RYR2: variants seen among roughly 807,000 people sequenced by gnomAD.
RYR2 encodes the protein ryanodine receptor 2.
In RYR2, 227 loss-of-function variants were observed where a neutral mutation model predicts 601.1. The ratio of observed to expected loss-of-function variants is 0.38; its 90% confidence interval spans 0.34 to 0.42. RYR2 has a LOEUF of 0.42. RYR2 is among the 10% of genes least tolerant of loss of function. The pLI is 1.00. For synonymous variants in RYR2, 2,223 were observed against 2,175.1 expected (o/e 1.02, Z -0.61); for missense variants, 4,646 against 6,156.5 (o/e 0.75, Z 8.21).
At chr1:237,582,908 A>T (rs913427172) in intron 29 of RYR2, among the ~76,000 whole-genome samples, 2 of 114,592 alleles carry the variant, frequency 1.7e-5, no homozygotes, top group Non-Finnish European at 3.8e-5. Context: ...TGGTAGGATG[A>T]TCTATTTTCT....
intron 84 of RYR2, among the ~76,000 whole-genome samples, chr1:237,761,993 C>G (rs1521742): frequency 0.87 from 132,856 of 152,180 alleles, 58,137 homozygotes; most frequent in South Asian, 0.95. Flanking sequence ...GTATTTTTTT[C>G]TTCTCACAAA....
chr1:237,445,489 G>A lies in RYR2; in HGVS notation c.1259G>A (p.Arg420Gln), dbSNP rs794728721. The A allele has an allele frequency of 6.2e-7, 1 of 1,613,600 alleles. No homozygotes were observed. Among genetic ancestry groups the A allele is most frequent in the Non-Finnish European group, 8.5e-7 (1 of 1,179,656 alleles). Residue 420 changes from arginine to glutamine, a missense_variant, in exon 14 of 105, where the codon CGG becomes CAG. By Grantham distance (43) the Arg-to-Gln change is conservative (BLOSUM62 1). This residue lies in a region of RYR2 where 1,807 missense variants were observed against 2,088.1 expected (regional missense o/e 0.87). Coordinates refer to ENST00000366574, the MANE Select transcript of RYR2 (RefSeq NM_001035.3). ...GAATCACGCACAGCCCGAGTTATCC[G>A]GAGCACAGTCTTCCTTTTCAATAGA... ...HEESRTARVI[R>Q]STVFLFNRFI...
intron 1 of RYR2, among the ~76,000 whole-genome samples, chr1:237,079,683 C>A (rs980314866): frequency 7.8e-6 from 1 of 128,368 alleles, no homozygotes; most frequent in Non-Finnish European, 1.5e-5. Flanking sequence ...GAATCAATAT[C>A]GTGAAAATGG....
intron 29 of RYR2, among the ~76,000 whole-genome samples, chr1:237,582,244 A>G (rs1032533046): frequency 6.6e-6 from 1 of 150,780 alleles, no homozygotes; most frequent in Non-Finnish European, 1.5e-5. Context: ...CTGGGATTAC[A>G]GGCACTGGCC....
intron 2 of RYR2, among the ~76,000 whole-genome samples, chr1:237,289,532 A>T (rs1346048265): frequency 6.6e-6 from 1 of 152,156 alleles, no homozygotes; most frequent in Non-Finnish European, 1.5e-5. Context: ...GCAAAGAGGG[A>T]AAAGGACCTT....
chr1:237,657,863 A>G (rs1193069847), intron 53 of RYR2, 81 bp from the exon 54 acceptor site: 1 of 742,040 alleles, frequency 1.3e-6, no homozygotes, highest in Admixed American at 2.9e-5. Context: ...ATAAGCATTC[A>G]TAAGCTGTGA....
chr1:237,649,166 G>A (rs1018443189), intron 49 of RYR2, among the ~76,000 whole-genome samples: 8 of 152,156 alleles, frequency 5.3e-5, no homozygotes, highest in Admixed American at 5.2e-4. Context: ...ATAAGCTGAA[G>A]TTCTAAATGT....
At chr1:237,156,502 T>A (rs1675349336) in intron 1 of RYR2, among the ~76,000 whole-genome samples, 1 of 152,200 alleles carries the variant, frequency 6.6e-6, no homozygotes, top group Admixed American at 6.5e-5. Flanking sequence ...ATTAATAGAC[T>A]TTAAGAAAAT....
intron 80 of RYR2, among the ~76,000 whole-genome samples, chr1:237,752,358 C>A (rs1328223861): frequency 1.3e-5 from 2 of 152,006 alleles, no homozygotes; most frequent in African/African-American, 4.8e-5. Flanking sequence ...GCTATTTGCC[C>A]AGGCTGGTCT....
intron 1 of RYR2, among the ~76,000 whole-genome samples, chr1:237,261,050 T>G (rs901410029): frequency 1.3e-5 from 2 of 152,252 alleles, no homozygotes; most frequent in African/African-American, 4.8e-5. Flanking sequence ...ATAGCATAGA[T>G]AACATTTTAT....
At chr1:237,680,820 C>T (rs1011710491) in intron 62 of RYR2, among the ~76,000 whole-genome samples, 3 of 152,272 alleles carry the variant, frequency 2.0e-5, no homozygotes, top group Middle Eastern at 3.4e-3. Context: ...TAAAATATCA[C>T]TCATTTCACA....
At chr1:237,822,664 A>G (rs971230367) in intron 101 of RYR2, among the ~76,000 whole-genome samples, 3 of 152,200 alleles carry the variant, frequency 2.0e-5, no homozygotes, top group Non-Finnish European at 2.9e-5. Context: ...GACAGGATCA[A>G]ATTCACACAT....
intron 69 of RYR2, 74 bp from the exon 70 acceptor site, chr1:237,709,406 G>T (rs1450880295): frequency 6.6e-6 from 6 of 908,526 alleles, no homozygotes; most frequent in African/African-American, 1.8e-5. Context: ...TTTAACTTTG[G>T]GGGGATGGTT....
chr1:237,319,265 T>C (rs950549854), intron 2 of RYR2, among the ~76,000 whole-genome samples: 1 of 152,164 alleles, frequency 6.6e-6, no homozygotes, highest in Admixed American at 6.5e-5. Context: ...AATAGCCGCC[T>C]TGAAGCCTTT....
intron 5 of RYR2, among the ~76,000 whole-genome samples, chr1:237,365,081 C>A (rs1437985192): frequency 1.3e-5 from 2 of 152,114 alleles, no homozygotes; most frequent in Non-Finnish European, 2.9e-5. Flanking sequence ...ATTTTTGTTT[C>A]ATTTTTGTAT....
At chr1:237,370,763 C>T (rs1193507299) in intron 6 of RYR2, among the ~76,000 whole-genome samples, 1 of 151,540 alleles carries the variant, frequency 6.6e-6, no homozygotes, top group African/African-American at 2.4e-5. Context: ...CAGGTTCACG[C>T]CATTCTCCTG....
chr1:237,613,718 GAAATTC>G (rs1405998875), intron 36 of RYR2, among the ~76,000 whole-genome samples: 1 of 152,156 alleles, frequency 6.6e-6, no homozygotes, highest in Non-Finnish European at 1.5e-5. Flanking sequence ...CCAAAAATCT[GAAATTC>G]GAAATGCTCC....
At chr1:237,446,341 GA>G (rs983597744) in intron 14 of RYR2, among the ~76,000 whole-genome samples, 4 of 152,174 alleles carry the variant, frequency 2.6e-5, no homozygotes, top group African/African-American at 9.6e-5. Context: ...TTTGATGGGG[GA>G]AACTTTTTGT....
Position 237,598,615 on chromosome 1 carries a change from A to C in RYR2, c.4596+2958A>C, listed in dbSNP as rs78693701. On this transcript the variant is annotated intron_variant, in intron 34 of 104. Transcript: ENST00000366574. ...AATTAAAAATTTTCTTGAGACAAAC[A>C]AAAATGGCGACACAACATACCAAAA... 6.1e-3 allele frequency among the ~76,000 whole-genome samples: 936 copies of C among 152,304 alleles called. 4 individuals carry two copies. Among genetic ancestry groups the C allele is most frequent in the Middle Eastern group, 0.038 (11 of 290 alleles).
Sources: allele counts gnomAD v4.1 joint callset (sites outside exome capture counted in the v4.1 genomes callset), GRCh38; gene constraint gnomAD v4.1.1; regional missense constraint gnomAD v4.1.1; transcripts MANE v1.5; gene names NCBI Gene and HGNC (gene_info 2026-07-23, HGNC 2026-07-21).